The following CCDC138 variants were observed in gnomAD, a reference collection of about 807,000 sequenced individuals.
The protein encoded by CCDC138 is coiled-coil domain-containing protein 138.
CCDC138 carries 66 observed loss-of-function variants against 82.3 expected under a neutral mutation model. That is an observed-to-expected ratio of 0.80 (90% CI 0.66 to 0.98). CCDC138 has a LOEUF of 0.98. Among genes scored for constraint, CCDC138 ranks in the 50% least tolerant of loss-of-function variants. The probability of loss-of-function intolerance (pLI) is 0.00; values close to 1 mark genes in which losing one functional copy is unlikely to be tolerated. For missense variants in CCDC138, 816 were observed against 758.9 expected, an observed-to-expected ratio of 1.08 and a Z score of -0.88; for synonymous variants, 297 against 265.4, an observed-to-expected ratio of 1.12 and a Z score of -1.16.
At chr2:108,839,480 A>G (rs905930200) in intron 11 of CCDC138, among the ~76,000 whole-genome samples, 179 bp downstream of exon 11, 4 of 152,168 alleles carry the variant, frequency 2.6e-5, no homozygotes, top group African/African-American at 9.6e-5. Flanking sequence ...TTTGAGAATA[A>G]TTGACATCTT....
chr2:108,809,658 C>T (rs1483494716), intron 7 of CCDC138, among the ~76,000 whole-genome samples: 3 of 152,044 alleles, frequency 2.0e-5, no homozygotes, highest in Non-Finnish European at 4.4e-5. Context: ...GGAAATGCTA[C>T]TGATTTTTGT....
intron 7 of CCDC138, among the ~76,000 whole-genome samples, chr2:108,806,780 A>G (rs146691813): frequency 9.8e-4 from 150 of 152,344 alleles, no homozygotes; most frequent in African/African-American, 3.4e-3. Flanking sequence ...ATAGTAATTT[A>G]TGCTAACACT....
chr2:108,855,454 C>T (rs1692421364), intron 12 of CCDC138, among the ~76,000 whole-genome samples: 1 of 151,140 alleles, frequency 6.6e-6, no homozygotes, highest in South Asian at 2.1e-4. Flanking sequence ...GTTCAGGCTT[C>T]ATCTGTGTAT....
chr2:108,840,557 TTG>T (rs1689281942), intron 11 of CCDC138, among the ~76,000 whole-genome samples: 1 of 152,176 alleles, frequency 6.6e-6, no homozygotes, highest in African/African-American at 2.4e-5. Context: ...TTGTAGTAGT[TTG>T]TGCTTTTTGA....
At chr2:108,880,942 A>G (rs183778410), downstream of CCDC138, among the ~76,000 whole-genome samples, 1 of 152,348 alleles carries the variant, frequency 6.6e-6, no homozygotes, top group African/African-American at 2.4e-5. Flanking sequence ...TTTATAATTC[A>G]TGAGAGAAGT....
chr2:108,820,860 G>C (rs1685580883), intron 10 of CCDC138, among the ~76,000 whole-genome samples: 1 of 152,142 alleles, frequency 6.6e-6, no homozygotes, highest in Non-Finnish European at 1.5e-5. Flanking sequence ...AGGTTGAAAT[G>C]AAAGCACACT....
intron 9 of CCDC138, among the ~76,000 whole-genome samples, chr2:108,814,760 C>T (rs532371146): frequency 4.6e-4 from 70 of 150,948 alleles, no homozygotes; most frequent in African/African-American, 1.6e-3. Flanking sequence ...TCAAGCCTCC[C>T]GAAGAGATGG....
At chr2:108,879,491 A>G (rs1696228978), downstream of CCDC138, among the ~76,000 whole-genome samples, 1 of 152,218 alleles carries the variant, frequency 6.6e-6, no homozygotes, top group South Asian at 2.1e-4. Flanking sequence ...TAAAAGTCTC[A>G]AAGAATTATG....
chr2:108,828,022 T>G (rs895173610), intron 10 of CCDC138, among the ~76,000 whole-genome samples: 1 of 151,992 alleles, frequency 6.6e-6, no homozygotes, highest in Non-Finnish European at 1.5e-5. Flanking sequence ...GATCCAAACT[T>G]GTAAATAGAT....
intron 13 of CCDC138, 65 bp from the exon 14 acceptor site, chr2:108,873,386 A>G: frequency 7.3e-7 from 1 of 1,373,242 alleles, no homozygotes; most frequent in Non-Finnish European, 9.6e-7. Flanking sequence ...TTCTGATTTT[A>G]ATTTGTTTTT....
rs148231642 is a variant in CCDC138 at position 108,873,505 on chromosome 2, G to C, written c.1748G>C (p.Cys583Ser). ...AGCAACTCTTTATTTTTTCGTACTT[G>C]CTCTGTGCTGCTTCGAGCCCCTAAG... ...ACSNSLFFRT[C>S]SVLLRAPKLD... Residue 583 changes from cysteine (C) to serine (S), a missense_variant, in exon 14 of 15, where the codon TGC becomes TCC. Coordinates refer to ENST00000295124, the MANE Select transcript of CCDC138 (RefSeq NM_144978.3). 3.7e-6 allele frequency: 6 copies of C among 1,609,720 alleles called. No homozygotes were observed. The African/African-American group carries it at 8.0e-5, about 22-fold the overall frequency.
intron 11 of CCDC138, among the ~76,000 whole-genome samples, chr2:108,846,445 A>C (rs1690491734): frequency 6.6e-6 from 1 of 151,920 alleles, no homozygotes; most frequent in African/African-American, 2.4e-5. Context: ...TTGGGAGGTC[A>C]AGGTAGGAGG....
intron 12 of CCDC138, among the ~76,000 whole-genome samples, chr2:108,850,376 A>T (rs1023711104): frequency 6.6e-6 from 1 of 152,184 alleles, no homozygotes; most frequent in African/African-American, 2.4e-5. Context: ...ATCTATGAAG[A>T]TAATACCTAG....
intron 11 of CCDC138, among the ~76,000 whole-genome samples, chr2:108,843,365 C>T (rs1160824362): frequency 2.6e-5 from 4 of 152,118 alleles, no homozygotes; most frequent in African/African-American, 9.7e-5. Flanking sequence ...GCCATGTTGG[C>T]CAGGCTGGTC....
chr2:108,812,967 C>A, intron 9 of CCDC138, 40 bp downstream of exon 9: 2 of 1,573,122 alleles, frequency 1.3e-6, no homozygotes, highest in Non-Finnish European at 1.7e-6. Flanking sequence ...GAAAATTTCT[C>A]GGCTGGGTAC....
intron 12 of CCDC138, among the ~76,000 whole-genome samples, chr2:108,852,222 T>C (rs748422288): frequency 1.3e-5 from 2 of 152,254 alleles, no homozygotes; most frequent in African/African-American, 2.4e-5. Context: ...CAGTATGTGA[T>C]GCTCAATCTC....
rs367928075 is a variant in CCDC138, at chr2:108,786,798, G to A, written c.-25G>A. On this transcript the variant is annotated 5_prime_UTR_variant, in exon 1 of 15. Transcript: ENST00000295124. ...GGGTTTGATGAACGCGGTTCCCGGG[G>A]AGACTGGTACGGTTGCTGTGTGCTA... The A allele has an allele frequency of 3.8e-6, 6 of 1,570,406 alleles. No homozygotes were observed. In the African/African-American group the frequency reaches 6.8e-5, roughly 18 times the overall value.
In CCDC138 at chr2:108,794,572, C is replaced by G; in HGVS notation, c.427C>G (p.Pro143Ala). ...GCCAACTAATACGACCTCATCGAGA[C>G]CTCGGACTGAGTGTTGTAGTGATGC... ...ALPTNTTSSRPRTECCSDAGD... is the reference protein window; with the variant it reads ...ALPTNTTSSRARTECCSDAGD... The change falls in exon 5 of 15, where the codon CCT becomes GCT. Residue 143 changes from proline to alanine, a missense_variant. By Grantham distance (27) the Pro-to-Ala change is conservative. Coordinates refer to ENST00000295124, the MANE Select transcript of CCDC138 (RefSeq NM_144978.3). 4 of 1,613,664 alleles carry G rather than the reference C, an allele frequency of 2.5e-6. No individual in the cohort carries two copies. The highest frequency in any genetic ancestry group is 2.5e-6 in the Non-Finnish European group (3 of 1,179,798).
At chr2:108,833,861 G>T (rs1044508688) in intron 10 of CCDC138, among the ~76,000 whole-genome samples, 2 of 149,002 alleles carry the variant, frequency 1.3e-5, no homozygotes, top group South Asian at 2.1e-4. Flanking sequence ...CCGAGTAGCT[G>T]GGACTACAGG....
Sources: gnomAD v4.1 joint callset for allele counts (sites outside exome capture counted in the v4.1 genomes callset) on GRCh38, gnomAD v4.1.1 for gene constraint, MANE v1.5 for transcripts, NCBI Gene and HGNC (gene_info 2026-07-23, HGNC 2026-07-21) for gene names.